ACVR1C: variants seen among roughly 807,000 people sequenced by gnomAD.
ACVR1C encodes the protein activin A receptor type 1C.
Under a neutral mutation model 57.9 loss-of-function variants are expected in ACVR1C, and 23 were observed. That is an observed-to-expected ratio of 0.40 (90% CI 0.29 to 0.56). The LOEUF (loss-of-function observed/expected upper bound fraction) is 0.56. Among genes scored for constraint, ACVR1C ranks in the 20% least tolerant of loss-of-function variants. The pLI, the probability that ACVR1C is intolerant of heterozygous loss-of-function variation, is 0.50. For synonymous variants in ACVR1C, 214 were observed against 215.3 expected (o/e 0.99, Z 0.05); for missense variants, 480 against 607.9 (o/e 0.79, Z 2.21).
chr2:157,554,281 A>AAGGAAG (rs1558975202), intron 3 of ACVR1C, among the ~76,000 whole-genome samples: 26 of 122,396 alleles, frequency 2.1e-4, no homozygotes, highest in African/African-American at 1.7e-4. Flanking sequence ...GGAAGGAAGG[A>AAGGAAG]AGAGAGAGAG....
chr2:157,551,955 T>C (rs1178567464), intron 3 of ACVR1C, among the ~76,000 whole-genome samples: 2 of 152,226 alleles, frequency 1.3e-5, no homozygotes, highest in African/African-American at 2.4e-5. Flanking sequence ...TGAAATTATC[T>C]GGTTCAACCC....
chr2:157,574,025 C>T (rs577809172), intron 2 of ACVR1C, among the ~76,000 whole-genome samples: 13 of 152,212 alleles, frequency 8.5e-5, no homozygotes, highest in African/African-American at 2.9e-4. Flanking sequence ...AGCCCATGCC[C>T]GACACAGAAG....
intron 1 of ACVR1C, among the ~76,000 whole-genome samples, chr2:157,612,795 G>T (rs1369119141): frequency 6.6e-6 from 1 of 152,204 alleles, no homozygotes; most frequent in Non-Finnish European, 1.5e-5. Context: ...CCAGCACTGT[G>T]CCCCTGTAGC....
At chr2:157,592,553 A>C (rs1185595952) in intron 1 of ACVR1C, among the ~76,000 whole-genome samples, 1 of 152,120 alleles carries the variant, frequency 6.6e-6, no homozygotes, top group East Asian at 1.9e-4. Flanking sequence ...AACTGGCAGT[A>C]TGATAGGACT....
At chr2:157,580,228 T>A (rs1219246467) in intron 2 of ACVR1C, among the ~76,000 whole-genome samples, 2 of 152,222 alleles carry the variant, frequency 1.3e-5, no homozygotes, top group Admixed American at 6.5e-5. Flanking sequence ...TTATCTTTTA[T>A]CATTCATTTT....
chr2:157,587,434 A>T lies in ACVR1C; in HGVS notation c.74-17T>A. 6.5e-7 allele frequency: 1 copy of T among 1,533,560 alleles called. No individual in the cohort carries two copies. The highest frequency in any genetic ancestry group is 9.0e-7 in the Non-Finnish European group (1 of 1,108,586). The allele number at this position is 1,533,560 out of a possible 1,614,324, so 95.0% of individuals were successfully genotyped here. On this transcript the variant is annotated splice_polypyrimidine_tract_variant and intron_variant, in intron 1 of 8. Transcript: ENST00000243349. ...ACTTCAGTCCTGGAAAGAGTAAGGC[A>T]AAAAGATTTAAAATACAAAAGACAT...
chr2:157,592,131 T>A (rs1470507113), intron 1 of ACVR1C, among the ~76,000 whole-genome samples: 1 of 152,062 alleles, frequency 6.6e-6, no homozygotes, highest in Non-Finnish European at 1.5e-5. Context: ...CCTACCTATT[T>A]TCTGAGGGGA....
intron 1 of ACVR1C, among the ~76,000 whole-genome samples, chr2:157,608,212 CAAAT>C (rs759418570): frequency 7.2e-5 from 11 of 151,786 alleles, no homozygotes; most frequent in Non-Finnish European, 1.5e-4. Context: ...TAAATTTTAT[CAAAT>C]ACTTTTTCTG....
chr2:157,628,711 G>T lies in ACVR1C; in HGVS notation c.-67C>A. The T allele has an allele frequency of 7.3e-7, 1 of 1,378,254 alleles. No homozygotes were observed. The highest frequency in any genetic ancestry group is 9.5e-7 in the Non-Finnish European group (1 of 1,049,134). The allele number at this position is 1,378,254 out of a possible 1,614,324, so 85.4% of individuals were successfully genotyped here. ...AGAGCGAGGCAGCCGGGGCAGCACG[G>T]CCCGCTTTGAAGTTCCCGGGCCGCG... On this transcript the variant is annotated 5_prime_UTR_variant, in exon 1 of 9. Coordinates refer to ENST00000243349, the MANE Select transcript of ACVR1C (RefSeq NM_145259.3).
chr2:157,554,044 G>A (rs925678409), intron 3 of ACVR1C, among the ~76,000 whole-genome samples: 2 of 151,342 alleles, frequency 1.3e-5, no homozygotes, highest in Non-Finnish European at 2.9e-5. Flanking sequence ...TTAGCCAGGT[G>A]TAGTGGGGCA....
At chr2:157,554,375 G>A (rs1688037956) in intron 3 of ACVR1C, among the ~76,000 whole-genome samples, 2 of 149,928 alleles carry the variant, frequency 1.3e-5, no homozygotes, top group South Asian at 4.2e-4. Context: ...AAGAAGGGAG[G>A]GAGGGAGGGA....
chr2:157,604,776 T>C (rs1682356840), intron 1 of ACVR1C, among the ~76,000 whole-genome samples: 1 of 151,858 alleles, frequency 6.6e-6, no homozygotes, highest in Admixed American at 6.6e-5. Context: ...TGAGTATTCA[T>C]TATATTTTTT....
intron 1 of ACVR1C, among the ~76,000 whole-genome samples, chr2:157,592,314 A>T (rs1689067362): frequency 6.6e-6 from 1 of 152,110 alleles, no homozygotes; most frequent in South Asian, 2.1e-4. Context: ...AGTTCTTACC[A>T]AGGATTTATG....
intron 2 of ACVR1C, among the ~76,000 whole-genome samples, chr2:157,566,661 G>A (rs1050150392): frequency 3.3e-5 from 5 of 151,930 alleles, no homozygotes; most frequent in Admixed American, 1.3e-4. Context: ...ACCGGCTTAA[G>A]AAACGGCGCA....
intron 1 of ACVR1C, among the ~76,000 whole-genome samples, chr2:157,626,791 CT>C (rs1682905367): frequency 6.6e-6 from 1 of 152,148 alleles, no homozygotes; most frequent in Non-Finnish European, 1.5e-5. Flanking sequence ...GTAAAAACTT[CT>C]TAAGGAGATT....
At chr2:157,537,230 A>G (rs1687511940) in intron 8 of ACVR1C, among the ~76,000 whole-genome samples, 1 of 152,064 alleles carries the variant, frequency 6.6e-6, no homozygotes, top group South Asian at 2.1e-4. Flanking sequence ...AAATTAGTAA[A>G]GAAATAATTG....
At position 157,622,712 on chromosome 2, in the gene ACVR1C, T is replaced by C. The variant is rs74980301; in HGVS notation, c.73+5860A>G. Among the ~76,000 whole-genome samples the C allele has an allele frequency of 6.6e-3, 998 of 152,218 alleles. 11 individuals carry two copies. Among genetic ancestry groups the C allele is most frequent in the African/African-American group, 0.023 (951 of 41,528 alleles). ...TCAGTTTGTGCAAAGATTTCCTGAG[T>C]AATAGCCCACCAGCACAGATGCCCA... On this transcript the variant is annotated intron_variant, in intron 1 of 8. Transcript: ENST00000243349.
chr2:157,550,414 T>C (rs777835179), intron 3 of ACVR1C, 22 bp from the exon 4 acceptor site: 4 of 1,598,762 alleles, frequency 2.5e-6, no homozygotes, highest in Non-Finnish European at 3.4e-6. Flanking sequence ...AAAGATGGAA[T>C]TGATAATTAA....
intron 2 of ACVR1C, among the ~76,000 whole-genome samples, chr2:157,572,414 T>C (rs1311218832): frequency 2.0e-5 from 3 of 151,638 alleles, no homozygotes; most frequent in African/African-American, 7.3e-5. Context: ...GCATAACTTC[T>C]CCACAGCTAG....
Sources: allele counts gnomAD v4.1 joint callset (sites outside exome capture counted in the v4.1 genomes callset), GRCh38; gene constraint gnomAD v4.1.1; transcripts MANE v1.5; gene names NCBI Gene and HGNC (gene_info 2026-07-23, HGNC 2026-07-21).